PHF19: variants seen among roughly 807,000 people sequenced by gnomAD.
PHF19 encodes polycomb like 3.
In PHF19, 21 loss-of-function variants were observed where a neutral mutation model predicts 79.8. That is an observed-to-expected ratio of 0.26 (90% CI 0.19 to 0.38). The LOEUF is 0.38. Ranked by LOEUF, PHF19 falls within the 10% of genes least tolerant of loss-of-function variation. The pLI is 1.00. For missense variants in PHF19, 445 were observed against 744.2 expected (o/e 0.60, Z 4.68); for synonymous variants, 273 against 296.3 (o/e 0.92, Z 0.81).
rs768942570 is a variant in PHF19, at chr9:120,870,398, AC to A, written c.364+44del. Reference sequence around the variant, plus strand: ...ACCCGTCAGGGGCCAGTGCGTGGGGACCTATAGGTCGGGGCCTTCTCAGGGC... The same window carrying A: ...ACCCGTCAGGGGCCAGTGCGTGGGGACTATAGGTCGGGGCCTTCTCAGGGC... On this transcript the variant is annotated intron_variant, in intron 4 of 14. Coordinates refer to ENST00000373896, the MANE Select transcript of PHF19 (RefSeq NM_015651.3). The surrounding 1 kb of genome is among the most constrained non-coding windows in gnomAD (Gnocchi z 4.4). 8.5e-7 allele frequency: 1 copy of A among 1,180,192 alleles called. No individual in the cohort carries two copies. The highest frequency in any genetic ancestry group is 1.2e-5 in the South Asian group (1 of 81,846). 73.1% of individuals were successfully genotyped at this position (1,180,192 alleles called of 1,614,324 possible). A position where few individuals can be genotyped will look rare whatever the true frequency, so the allele number is the denominator to read the frequency against.
chr9:120,870,070 G>A lies in PHF19; in HGVS notation c.365-125C>T. 1 of 1,391,802 alleles carries A rather than the reference G, an allele frequency of 7.2e-7. No individual in the cohort carries two copies. Among genetic ancestry groups the A allele is most frequent in the South Asian group, 1.4e-5 (1 of 71,656 alleles). The allele number at this position is 1,391,802 out of a possible 1,614,324, so 86.2% of individuals were successfully genotyped here. A position where few individuals can be genotyped will look rare whatever the true frequency, so the allele number is the denominator to read the frequency against. On this transcript the variant is annotated intron_variant, in intron 4 of 14. Coordinates refer to ENST00000373896, the MANE Select transcript of PHF19 (RefSeq NM_015651.3). The surrounding 1 kb of genome is among the most constrained non-coding windows in gnomAD (Gnocchi z 4.4). The stretch of plus-strand genomic sequence containing the variant: ...AGGAGCTCTGCCTGCCAGCTGCCGG[G>A]AGCCTGGCTGCTGGTGCCCACCAAG...
In PHF19 at chr9:120,862,130, C is replaced by A; in HGVS notation, c.1131-125G>T. 2.7e-6 allele frequency: 2 copies of A among 749,604 alleles called. No homozygotes were observed. Among genetic ancestry groups the A allele is most frequent in the Admixed American group, 1.9e-5 (1 of 51,984 alleles). The allele number at this position is 749,604 out of a possible 1,614,324, so 46.4% of individuals were successfully genotyped here. A position where few individuals can be genotyped will look rare whatever the true frequency, so the allele number is the denominator to read the frequency against. ...GGGAGACAGGCTCTGAACACAGCTG[C>A]ACCTTCACAGGGAGGCCTGGGGAGG... On this transcript the variant is annotated intron_variant, in intron 11 of 14. Transcript: ENST00000373896. The surrounding 1 kb of genome is among the most constrained non-coding windows in gnomAD (Gnocchi z 4.6).
Position 120,857,759 on chromosome 9 carries a change from C to A in PHF19, c.*185G>T. 1 of 542,772 alleles carries A rather than the reference C, an allele frequency of 1.8e-6. No individual in the cohort carries two copies. Among genetic ancestry groups the A allele is most frequent in the Non-Finnish European group, 3.3e-6 (1 of 306,294 alleles). 33.6% of individuals were successfully genotyped at this position (542,772 alleles called of 1,614,324 possible). On this transcript the variant is annotated 3_prime_UTR_variant, in exon 15 of 15. Transcript: ENST00000373896. ...TAACGAGCCTGAGGAGGCCCTGGAA[C>A]AGAGCTGGTACAGCAGAGAGACGCA...
chr9:120,878,105 G>A (rs2046118283), upstream of PHF19, among the ~76,000 whole-genome samples: 3 of 152,142 alleles, frequency 2.0e-5, no homozygotes, highest in Admixed American at 6.5e-5. Context: ...ATATCAAAAG[G>A]CAATTCACAA....
the PHF19 span, among the ~76,000 whole-genome samples, chr9:120,900,922 A>T: frequency 6.6e-6 from 1 of 152,248 alleles, no homozygotes; most frequent in Non-Finnish European, 1.5e-5. Flanking sequence ...AATTGAAGGC[A>T]TAAATAATAG....
upstream of PHF19, among the ~76,000 whole-genome samples, chr9:120,881,241 G>T (rs566827190): frequency 6.7e-6 from 1 of 149,348 alleles, no homozygotes. Context: ...TCCGCCTCCC[G>T]GGTTCACGCC....
rs1240381994 is a variant in PHF19, at chr9:120,862,901, A to G, written c.969-152T>C. ...GCAGATGCTGACTTCCTCAAAGCCC[A>G]TGGGATGCGGGGTTCCAGGTAGCAG... On this transcript the variant is annotated intron_variant, in intron 10 of 14. Coordinates refer to ENST00000373896, the MANE Select transcript of PHF19 (RefSeq NM_015651.3). This position sits in a 1 kb window ranked among gnomAD's most constrained non-coding sequence, Gnocchi z 4.6. The G allele has an allele frequency of 2.9e-6, 2 of 691,024 alleles. No individual in the cohort carries two copies. Among genetic ancestry groups the G allele is most frequent in the Non-Finnish European group, 2.5e-6 (1 of 401,002 alleles). 42.8% of individuals were successfully genotyped at this position (691,024 alleles called of 1,614,324 possible). A position where few individuals can be genotyped will look rare whatever the true frequency, so the allele number is the denominator to read the frequency against.
intron 1 of PHF19, among the ~76,000 whole-genome samples, chr9:120,893,014 C>T (rs2046361978): frequency 6.6e-6 from 1 of 152,204 alleles, no homozygotes; most frequent in African/African-American, 2.4e-5. Flanking sequence ...CTCTCTTAGC[C>T]TCAGTTTCCT....
chr9:120,902,215 T>C, the PHF19 span, among the ~76,000 whole-genome samples: 280 of 152,248 alleles, frequency 1.8e-3, 2 homozygotes, highest in African/African-American at 6.1e-3. Context: ...ATGCTCAGGC[T>C]TTATCACTTA....
chr9:120,892,725 ATTTTATGC>A, intron 1 of PHF19, among the ~76,000 whole-genome samples: 1 of 152,266 alleles, frequency 6.6e-6, no homozygotes, highest in Non-Finnish European at 1.5e-5. Flanking sequence ...CTCCTGTAAA[ATTTTATGC>A]TTGTATATCA....
At chr9:120,900,983 G>A in the PHF19 span, among the ~76,000 whole-genome samples, 235 of 152,368 alleles carry the variant, frequency 1.5e-3, 2 homozygotes, top group Non-Finnish European at 4.3e-4. Flanking sequence ...ACACCCGTGA[G>A]GTGGCCTCTG....
Position 120,891,735 on chromosome 9 carries a change from C to G in PHF19, c.42+3053G>C, listed in dbSNP as rs2046345964. On this transcript the variant is annotated intron_variant, in intron 1 of 14. Transcript: ENST00000616568. The surrounding 1 kb of genome is among the most constrained non-coding windows in gnomAD (Gnocchi z 4.3). Reference sequence around the variant, plus strand: ...CAGTAGCATTGAGCAGCTGTATAGTCCCCCACAGGCCCCACCCAGTCTTCC... The same window carrying G: ...CAGTAGCATTGAGCAGCTGTATAGTGCCCCACAGGCCCCACCCAGTCTTCC... Among the ~76,000 whole-genome samples the G allele has an allele frequency of 6.6e-6, 1 of 152,136 alleles. No homozygotes were observed. Among genetic ancestry groups the G allele is most frequent in the Non-Finnish European group, 1.5e-5 (1 of 68,012 alleles).
chr9:120,862,490 C>T lies in PHF19; in HGVS notation c.1130+98G>A. On this transcript the variant is annotated intron_variant, in intron 11 of 14. Transcript: ENST00000373896. This position sits in a 1 kb window ranked among gnomAD's most constrained non-coding sequence, Gnocchi z 4.6. ...ACTATCTAGCCCTCTCAGGGTCCTACAGCTGGGACTGGCTGGGTGCAGGTC... is the reference window on the plus strand; with the variant it reads ...ACTATCTAGCCCTCTCAGGGTCCTATAGCTGGGACTGGCTGGGTGCAGGTC... 1 of 1,054,680 alleles carries T rather than the reference C, an allele frequency of 9.5e-7. No individual in the cohort carries two copies. Among genetic ancestry groups the T allele is most frequent in the Non-Finnish European group, 1.4e-6 (1 of 697,434 alleles). The allele number at this position is 1,054,680 out of a possible 1,614,324, so 65.3% of individuals were successfully genotyped here.
At position 120,869,332 on chromosome 9, in the gene PHF19, T is replaced by TG. The variant is rs1298341576; in HGVS notation, c.466-3dup. Reference sequence around the variant, plus strand: ...GCCCTTCTTCAGCGCGCCGCCTTTCTGGGGGGAGACGAGGGCCCCAGTCAA... The same window carrying TG: ...GCCCTTCTTCAGCGCGCCGCCTTTCTGGGGGGGAGACGAGGGCCCCAGTCAA... On this transcript the variant is annotated splice_polypyrimidine_tract_variant and splice_region_variant and intron_variant, in intron 5 of 14. Coordinates refer to ENST00000373896, the MANE Select transcript of PHF19 (RefSeq NM_015651.3). The surrounding 1 kb of genome is among the most constrained non-coding windows in gnomAD (Gnocchi z 5.8). 1.2e-6 allele frequency: 2 copies of TG among 1,611,366 alleles called. No individual in the cohort carries two copies. Among genetic ancestry groups the TG allele is most frequent in the Non-Finnish European group, 1.7e-6 (2 of 1,179,300 alleles).
At chr9:120,897,536 T>C (rs2046412132), upstream of PHF19, among the ~76,000 whole-genome samples, 1 of 152,220 alleles carries the variant, frequency 6.6e-6, no homozygotes, top group African/African-American at 2.4e-5. Flanking sequence ...AGTGGAAATA[T>C]TACATGACCT....
In PHF19 at chr9:120,869,159, G is replaced by T; in HGVS notation, c.614+23C>A. The T allele has an allele frequency of 6.3e-7, 1 of 1,591,964 alleles. No individual in the cohort carries two copies. Reference sequence around the variant, plus strand: ...CTTGGAGACCTGCCCTGCCGCCCGGGGGGCCCTGACCCCCTGCCTTACTCT... The same window carrying T: ...CTTGGAGACCTGCCCTGCCGCCCGGTGGGCCCTGACCCCCTGCCTTACTCT... On this transcript the variant is annotated intron_variant, in intron 6 of 14. Transcript: ENST00000373896. This position sits in a 1 kb window ranked among gnomAD's most constrained non-coding sequence, Gnocchi z 5.8.
chr9:120,869,429 G>A lies in PHF19; in HGVS notation c.466-99C>T. 7.1e-7 allele frequency: 1 copy of A among 1,402,030 alleles called. No homozygotes were observed. Among genetic ancestry groups the A allele is most frequent in the Non-Finnish European group, 9.6e-7 (1 of 1,042,628 alleles). The allele number at this position is 1,402,030 out of a possible 1,614,324, so 86.8% of individuals were successfully genotyped here. On this transcript the variant is annotated intron_variant, in intron 5 of 14. Transcript: ENST00000373896. The surrounding 1 kb of genome is among the most constrained non-coding windows in gnomAD (Gnocchi z 5.8). ...TGAGGGAAGTGCTGCCAGGGCTTGG[G>A]GGACCCGCAGATATTCCAATATAGT...
Position 120,869,143 on chromosome 9 carries a change from C to T in PHF19, c.614+39G>A, listed in dbSNP as rs780368193. ...GTCCCTGCTGGCGATTCTTGGAGAC[C>T]TGCCCTGCCGCCCGGGGGGCCCTGA... On this transcript the variant is annotated intron_variant, in intron 6 of 14. Transcript: ENST00000373896. This position sits in a 1 kb window ranked among gnomAD's most constrained non-coding sequence, Gnocchi z 5.8. The T allele has an allele frequency of 3.8e-6, 6 of 1,576,004 alleles. No homozygotes were observed. In the African/African-American group the frequency reaches 4.0e-5, roughly 11 times the overall value.
In PHF19 at chr9:120,860,128, G is replaced by A. The variant is rs1271312443; in HGVS notation, c.1362C>T (p.Thr454=). 2.5e-6 allele frequency: 4 copies of A among 1,600,566 alleles called. No homozygotes were observed. The highest frequency in any genetic ancestry group is 1.7e-5 in the Admixed American group (1 of 58,604). Residue 454 remains threonine (T), a synonymous_variant, in exon 14 of 15, where the codon ACC becomes ACT. Coordinates refer to ENST00000373896, the MANE Select transcript of PHF19 (RefSeq NM_015651.3). This position sits in a 1 kb window ranked among gnomAD's most constrained non-coding sequence, Gnocchi z 4.1. ...SDVDSTDAAS[T]SGSASTSLSY... is the part of the protein sequence containing the mutation. ...AGAGGCTGGTGGAGGCAGAGCCAGA[G>A]GTGCTGGCAGCGTCGGTGGAGTCGA...
Sources: allele counts gnomAD v4.1 joint callset (sites outside exome capture counted in the v4.1 genomes callset), GRCh38; gene constraint gnomAD v4.1.1; non-coding constraint Gnocchi (gnomAD v3.1); transcripts MANE v1.5; gene names NCBI Gene and HGNC (gene_info 2026-07-23, HGNC 2026-07-21).